PDS5A: variants seen among roughly 807,000 people sequenced by gnomAD.
The protein encoded by PDS5A is sister chromatid cohesion protein PDS5 homolog A.
In PDS5A, 42 loss-of-function variants were observed where a neutral mutation model predicts 167.1. The ratio of observed to expected loss-of-function variants is 0.25; its 90% CI spans 0.20 to 0.33. PDS5A has a LOEUF of 0.33. Ranked by LOEUF, PDS5A falls within the 10% of genes least tolerant of loss-of-function variation. The probability of loss-of-function intolerance (pLI) is 1.00; values close to 1 mark genes in which losing one functional copy is unlikely to be tolerated. For synonymous variants in PDS5A, 553 were observed against 554.6 expected (o/e 1.00, Z 0.04); for missense variants, 1,033 against 1,605.9 (o/e 0.64, Z 6.10).
At chr4:39,848,357 G>A (rs1717824267) in intron 28 of PDS5A, 1 of 152,660 alleles carries the variant, frequency 6.6e-6, no homozygotes, top group Non-Finnish European at 1.5e-5. Context: ...TTTGCTGAAA[G>A]CAGAATAGAT....
At chr4:39,971,191 C>G (rs1730502436) in intron 2 of PDS5A, among the ~76,000 whole-genome samples, 1 of 152,058 alleles carries the variant, frequency 6.6e-6, no homozygotes, top group South Asian at 2.1e-4. Flanking sequence ...CAGAGTCGCG[C>G]TTTGTCACCC....
At chr4:39,933,234 T>A (rs933085900) in intron 2 of PDS5A, 23 of 152,064 alleles carry the variant, frequency 1.5e-4, no homozygotes, top group African/African-American at 5.3e-4. Flanking sequence ...ATGAACTCAT[T>A]GAGAGCAATT....
intron 22 of PDS5A, among the ~76,000 whole-genome samples, chr4:39,867,901 A>T (rs1316013531): frequency 6.6e-6 from 1 of 152,172 alleles, no homozygotes; most frequent in Non-Finnish European, 1.5e-5. Context: ...GACCAAAAAA[A>T]TGGGATTTTG....
intron 2 of PDS5A, among the ~76,000 whole-genome samples, chr4:39,951,898 CAAAAAAAA>C (rs1161911794): frequency 1.5e-5 from 1 of 68,802 alleles, no homozygotes; most frequent in Non-Finnish European, 2.6e-5. Flanking sequence ...GAGTCTGTCT[CAAAAAAAA>C]AAAAAAAAAA....
chr4:39,858,391 GC>G (rs1031304493), intron 26 of PDS5A, among the ~76,000 whole-genome samples: 7 of 152,202 alleles, frequency 4.6e-5, no homozygotes, highest in African/African-American at 1.7e-4. Flanking sequence ...AGGATTGAGA[GC>G]CCAGAAGTAA....
intron 2 of PDS5A, among the ~76,000 whole-genome samples, chr4:39,952,413 G>A (rs1728495476): frequency 6.6e-6 from 1 of 152,148 alleles, no homozygotes; most frequent in African/African-American, 2.4e-5. Flanking sequence ...TTGTCTAAAT[G>A]AGTTAATTAT....
At chr4:39,963,733 GAGGT>G (rs1729713110) in intron 2 of PDS5A, among the ~76,000 whole-genome samples, 1 of 151,738 alleles carries the variant, frequency 6.6e-6, no homozygotes, top group Admixed American at 6.6e-5. Context: ...TGGGGAGCCT[GAGGT>G]AGGAGGATCA....
chr4:39,882,781 ATAAAG>A (rs968251001), intron 17 of PDS5A, among the ~76,000 whole-genome samples: 3 of 152,190 alleles, frequency 2.0e-5, no homozygotes, highest in Admixed American at 6.5e-5. Context: ...CCTTCCTCTT[ATAAAG>A]TATTTTTCCT....
intron 5 of PDS5A, among the ~76,000 whole-genome samples, chr4:39,923,638 AACACACAC>A (rs10664167): frequency 1.6e-4 from 20 of 125,292 alleles, no homozygotes; most frequent in African/African-American, 2.7e-4. Flanking sequence ...CCTGTCTCAA[AACACACAC>A]ACACACACAC....
At position 39,900,462 on chromosome 4, in the gene PDS5A, A is replaced by G. The variant is rs756254525; in HGVS notation, c.1545T>C (p.His515=). 5.7e-6 allele frequency: 9 copies of G among 1,584,744 alleles called. No homozygotes were observed. The highest frequency in any genetic ancestry group is 3.6e-5 in the Admixed American group (2 of 55,768). The part of the protein sequence containing the change: ...MWKCQNMLRS[H]VRELLDLHKQ... ...TGTGCAAATCCAATAGTTCGCGTAC[A>G]TGGCTCCGAAGCATGTTCTGACACT... Residue 515 remains histidine, a synonymous_variant, in exon 14 of 33, where the codon CAT becomes CAC. Coordinates refer to ENST00000303538, the MANE Select transcript of PDS5A (RefSeq NM_001100399.2).
intron 26 of PDS5A, among the ~76,000 whole-genome samples, chr4:39,852,692 T>G (rs1464572257): frequency 2.0e-5 from 3 of 152,178 alleles, no homozygotes; most frequent in African/African-American, 4.8e-5. Context: ...CAGGTTTATG[T>G]AAAATTACTC....
intron 2 of PDS5A, among the ~76,000 whole-genome samples, chr4:39,937,959 T>C (rs1430381611): frequency 6.6e-6 from 1 of 152,168 alleles, no homozygotes; most frequent in East Asian, 1.9e-4. Flanking sequence ...CCATACATAG[T>C]GAGCTGTACC....
chr4:39,871,649 ATTCAAT>A, intron 21 of PDS5A, among the ~76,000 whole-genome samples: 2 of 152,220 alleles, frequency 1.3e-5, no homozygotes, highest in African/African-American at 4.8e-5. Flanking sequence ...CTGTGTCTTT[ATTCAAT>A]AACAACAGAT....
intron 31 of PDS5A, 95 bp from the exon 32 acceptor site, chr4:39,838,303 C>A: frequency 1.0e-6 from 1 of 986,420 alleles, no homozygotes; most frequent in South Asian, 1.8e-5. Flanking sequence ...TTAAAGGAGT[C>A]TGGATTTGAG....
intron 23 of PDS5A, among the ~76,000 whole-genome samples, chr4:39,864,578 C>G (rs1227747399): frequency 1.3e-5 from 2 of 152,124 alleles, no homozygotes; most frequent in Non-Finnish European, 2.9e-5. Context: ...ATGCAGAAAG[C>G]TAGCCGGAAC....
At chr4:39,974,841 TGG>T (rs777666199) in intron 2 of PDS5A, among the ~76,000 whole-genome samples, 1 of 152,158 alleles carries the variant, frequency 6.6e-6, no homozygotes, top group Non-Finnish European at 1.5e-5. Flanking sequence ...CTGGGAGCAG[TGG>T]CTCACACCTG....
intron 3 of PDS5A, 92 bp from the exon 4 acceptor site, chr4:39,926,953 T>G (rs1725531204): frequency 9.4e-7 from 1 of 1,065,092 alleles, no homozygotes. Context: ...GTGTACAAAC[T>G]ACAATAAAAG....
At chr4:39,904,541 C>A (rs1180112548) in intron 11 of PDS5A, among the ~76,000 whole-genome samples, 1 of 152,142 alleles carries the variant, frequency 6.6e-6, no homozygotes, top group Non-Finnish European at 1.5e-5. Context: ...ACCCTGTTAG[C>A]CAGGATGGTC....
At chr4:39,944,922 T>C (rs959049833) in intron 2 of PDS5A, among the ~76,000 whole-genome samples, 1 of 152,182 alleles carries the variant, frequency 6.6e-6, no homozygotes. Context: ...TCAAACTGTT[T>C]CCATTTTATT....
Sources: allele counts gnomAD v4.1 joint callset (sites outside exome capture counted in the v4.1 genomes callset), GRCh38; gene constraint gnomAD v4.1.1; transcripts MANE v1.5; gene names NCBI Gene and HGNC (gene_info 2026-07-23, HGNC 2026-07-21).